Variants in HERC6 observed in about 807,000 individuals in gnomAD.
HERC6 encodes probable E3 ubiquitin-protein ligase HERC6.
A neutral mutation model predicts 114.5 loss-of-function variants in HERC6; 101 were observed. The observed-to-expected ratio is 0.88, with a 90% CI of 0.75 to 1.04. The LOEUF (loss-of-function observed/expected upper bound fraction) is 1.04, where lower values mean the gene tolerates loss of function less well. HERC6 is among the 50% of genes least tolerant of loss of function. The probability of loss-of-function intolerance (pLI) is 0.00; values close to 1 mark genes in which losing one functional copy is unlikely to be tolerated. For missense variants in HERC6, 1,133 were observed against 1,230.9 expected (o/e 0.92, Z 1.19); for synonymous variants, 408 against 436.2 (o/e 0.94, Z 0.81).
At position 88,413,133 on chromosome 4, in the gene HERC6, C is replaced by A. The variant is rs1560549822; in HGVS notation, c.1425C>A (p.His475Gln). The change falls in exon 12 of 23, where the codon CAC becomes CAA. Residue 475 changes from histidine (H) to glutamine (Q), a missense_variant. By Grantham distance (24) the His-to-Gln change is conservative. This residue lies in a region of HERC6 where 735 missense variants were observed against 754.0 expected (regional missense o/e 0.97). Transcript: ENST00000264346. Reference sequence around the variant, plus strand: ...GAGCTCTTCCATGCCATTCTCCACACCAAGAAGCTTTATCAGTTTTCCTCC... The same window carrying A: ...GAGCTCTTCCATGCCATTCTCCACAACAAGAAGCTTTATCAGTTTTCCTCC... The part of the protein sequence containing the change: ...LLRALPCHSP[H>Q]QEALSVFLLL... The A allele has an allele frequency of 6.2e-6, 10 of 1,613,552 alleles. No homozygotes were observed. Among genetic ancestry groups the A allele is most frequent in the Non-Finnish European group, 8.5e-6 (10 of 1,179,568 alleles).
intron 8 of HERC6, among the ~76,000 whole-genome samples, chr4:88,400,445 C>A (rs964089356): frequency 6.6e-6 from 1 of 152,188 alleles, no homozygotes; most frequent in African/African-American, 2.4e-5. Flanking sequence ...GATCTGCCCA[C>A]CTTGGCCTGG....
chr4:88,400,083 G>A (rs1409027425), intron 8 of HERC6, among the ~76,000 whole-genome samples: 2 of 152,214 alleles, frequency 1.3e-5, no homozygotes, highest in Non-Finnish European at 2.9e-5. Flanking sequence ...GTATGCTGGG[G>A]TCAGCTATGT....
intron 11 of HERC6, among the ~76,000 whole-genome samples, chr4:88,411,966 T>C (rs1164264347): frequency 6.6e-6 from 1 of 152,144 alleles, no homozygotes; most frequent in African/African-American, 2.4e-5. Context: ...AGCCAGGGGC[T>C]GCCATCTTCC....
intron 3 of HERC6, among the ~76,000 whole-genome samples, chr4:88,388,549 CAAAAAA>C (rs76168315): frequency 4.9e-4 from 45 of 92,460 alleles, no homozygotes; most frequent in African/African-American, 1.1e-3. Context: ...AGACTCGTCT[CAAAAAA>C]AAAAAAAAAA....
intron 2 of HERC6, among the ~76,000 whole-genome samples, chr4:88,384,518 A>G (rs1420730008): frequency 6.6e-6 from 1 of 152,196 alleles, no homozygotes; most frequent in Non-Finnish European, 1.5e-5. Flanking sequence ...TTTATGAATT[A>G]CATACTTAGG....
rs891993423 is a variant in HERC6 at position 88,428,850 on chromosome 4, A to G, written c.2106+100A>G. The G allele has an allele frequency of 2.1e-5, 21 of 983,524 alleles. No individual in the cohort carries two copies. The South Asian group carries it at 3.5e-4, about 16-fold the overall frequency. 60.9% of individuals were successfully genotyped at this position (983,524 alleles called of 1,614,324 possible). ...CTGAAAAGAGCCTGCATTTGCCTCT[A>G]TGGTTATCAATCTTTTGGTTTCCAG... On this transcript the variant is annotated intron_variant, in intron 16 of 22. Transcript: ENST00000264346.
chr4:88,387,898 G>C (rs1734668352), intron 3 of HERC6, among the ~76,000 whole-genome samples: 1 of 152,224 alleles, frequency 6.6e-6, no homozygotes, highest in African/African-American at 2.4e-5. Flanking sequence ...CATTGGTCTG[G>C]ACTGTAAAGT....
rs756845717 is a variant in HERC6 at position 88,379,072 on chromosome 4, A to C, written c.151A>C (p.Ser51Arg). The C allele has an allele frequency of 1.9e-6, 3 of 1,551,216 alleles. No homozygotes were observed. The highest frequency in any genetic ancestry group is 2.6e-6 in the Non-Finnish European group (3 of 1,149,078). ...NHRVLSCGDN[S>R]RGQLGRRGAQ... ...CAGGGTCCTCTCGTGCGGAGACAAC[A>C]GCAGGGGTCAGCTGGGCCGCAGGGG... Residue 51 changes from serine (S) to arginine (R), a missense_variant, in exon 1 of 23, where the codon AGC (serine) becomes CGC (arginine). By Grantham distance (110) the Ser-to-Arg change is moderately radical. Around this residue, in one of 3 missense-constraint regions of HERC6, gnomAD observed 735 missense variants for 754.0 expected, o/e 0.97. Coordinates refer to ENST00000264346, the MANE Select transcript of HERC6 (RefSeq NM_017912.4).
chr4:88,424,044 A>C, intron 14 of HERC6, 71 bp downstream of exon 14: 3 of 704,474 alleles, frequency 4.3e-6, no homozygotes, highest in Non-Finnish European at 6.9e-6. Flanking sequence ...AGTATCTGTA[A>C]AGGTACTCTT....
In HERC6 at chr4:88,406,812, G is replaced by A. The variant is rs774063479; in HGVS notation, c.1274+1199G>A. 9.5e-4 allele frequency among the ~76,000 whole-genome samples: 144 copies of A among 152,172 alleles called. 1 individual carries two copies. Among genetic ancestry groups the A allele is most frequent in the Non-Finnish European group, 1.6e-3 (108 of 68,012 alleles). On this transcript the variant is annotated intron_variant, in intron 10 of 22. Coordinates refer to ENST00000264346, the MANE Select transcript of HERC6 (RefSeq NM_017912.4). The stretch of plus-strand genomic sequence containing the variant: ...CTCACTCTGTCACCCAGGCCGGAGT[G>A]CAGTAGTGCAGCTCGGCTCACTGCA...
intron 3 of HERC6, among the ~76,000 whole-genome samples, chr4:88,388,549 C>CAAAA: frequency 1.1e-5 from 1 of 92,466 alleles, no homozygotes; most frequent in Non-Finnish European, 2.5e-5. Context: ...AGACTCGTCT[C>CAAAA]AAAAAAAAAA....
At chr4:88,401,373 A>G (rs1425667705) in intron 8 of HERC6, among the ~76,000 whole-genome samples, 1 of 151,738 alleles carries the variant, frequency 6.6e-6, no homozygotes, top group Non-Finnish European at 1.5e-5. Flanking sequence ...GGCACCTGTA[A>G]TCCCAGCTAC....
intron 17 of HERC6, among the ~76,000 whole-genome samples, chr4:88,432,981 G>A (rs895786756): frequency 1.3e-5 from 2 of 151,810 alleles, no homozygotes; most frequent in South Asian, 2.1e-4. Context: ...CCAGCTACTC[G>A]GGAGGCTGAG....
At chr4:88,407,301 G>A (rs1015204274) in intron 10 of HERC6, among the ~76,000 whole-genome samples, 59 of 148,890 alleles carry the variant, frequency 4.0e-4, no homozygotes, top group African/African-American at 8.7e-4. Flanking sequence ...GGCTGGTCTC[G>A]AGCTACTGAC....
chr4:88,383,076 A>AC, intron 1 of HERC6, 145 bp from the exon 2 acceptor site: 1 of 932,942 alleles, frequency 1.1e-6, no homozygotes, highest in Non-Finnish European at 1.6e-6. Context: ...TTTAGAATGG[A>AC]CTTAAGGTCT....
intron 11 of HERC6, among the ~76,000 whole-genome samples, chr4:88,409,310 C>T (rs1245236243): frequency 1.3e-5 from 2 of 151,980 alleles, no homozygotes; most frequent in African/African-American, 2.4e-5. Flanking sequence ...TGGCTCATGC[C>T]CAAGAATGAG....
At chr4:88,441,967 T>C (rs1037507721) in intron 22 of HERC6, among the ~76,000 whole-genome samples, 4 of 152,196 alleles carry the variant, frequency 2.6e-5, no homozygotes, top group Admixed American at 2.6e-4. Context: ...TTTAAGCTCC[T>C]AACCTCATTC....
At chr4:88,436,320 T>C (rs939739222) in intron 18 of HERC6, among the ~76,000 whole-genome samples, 2 of 152,238 alleles carry the variant, frequency 1.3e-5, no homozygotes, top group African/African-American at 4.8e-5. Context: ...ATTTTTCTAC[T>C]TACAGATTGA....
chr4:88,405,463 C>T (rs1014578001), intron 9 of HERC6, 91 bp from the exon 10 acceptor site: 28 of 578,476 alleles, frequency 4.8e-5, no homozygotes, highest in Admixed American at 4.1e-4. Context: ...AATTATTCCA[C>T]GTCATCATTT....
Sources: allele counts gnomAD v4.1 joint callset (sites outside exome capture counted in the v4.1 genomes callset), GRCh38; gene constraint gnomAD v4.1.1; regional missense constraint gnomAD v4.1.1; transcripts MANE v1.5; gene names NCBI Gene and HGNC (gene_info 2026-07-23, HGNC 2026-07-21).